Variants in C12orf56 observed in about 807,000 individuals in gnomAD.
C12orf56 encodes the protein uncharacterized protein C12orf56.
A neutral mutation model predicts 69.9 loss-of-function variants in C12orf56; 71 were observed. The observed-to-expected ratio is 1.02, with a 90% CI of 0.84 to 1.24. C12orf56 has a LOEUF of 1.24. Among genes scored for constraint, C12orf56 ranks in the 50% most tolerant of loss-of-function variants. The probability of loss-of-function intolerance (pLI) is 0.00; values close to 1 mark genes in which losing one functional copy is unlikely to be tolerated. For synonymous variants in C12orf56, 276 were observed against 274.1 expected (o/e 1.01, Z -0.07); for missense variants, 732 against 738.5 (o/e 0.99, Z 0.10).
chr12:64,390,293 C>T (rs1477315188), intron 1 of C12orf56, 21 bp downstream of exon 1: 1 of 1,590,022 alleles, frequency 6.3e-7, no homozygotes, highest in South Asian at 1.1e-5. Flanking sequence ...CCGAGCCCGC[C>T]TGCCCACCCG....
At chr12:64,273,297 CAAA>C (rs201066197) in intron 11 of C12orf56, among the ~76,000 whole-genome samples, 2 of 139,946 alleles carry the variant, frequency 1.4e-5, no homozygotes, top group East Asian at 2.4e-4. Context: ...GACTCTGTCT[CAAA>C]AAAAAAAAAA....
rs1200938815 is a variant in C12orf56 at position 64,390,485 on chromosome 12, G to A, written c.81C>T (p.Pro27=). ...LDVFLRRHLP[P]EVYDAVRAYE... Reference sequence around the variant, plus strand: ...AGGCGCGGACCGCGTCGTAGACCTCGGGCGGCAGATGCCGCCGCAGGAACA... The same window carrying A: ...AGGCGCGGACCGCGTCGTAGACCTCAGGCGGCAGATGCCGCCGCAGGAACA... The change falls in exon 1 of 13, where the codon CCC becomes CCT. Residue 27 remains proline, a synonymous_variant. Coordinates refer to ENST00000543942, the MANE Select transcript of C12orf56 (RefSeq NM_001170633.2). 1.2e-6 allele frequency: 2 copies of A among 1,603,854 alleles called. No individual in the cohort carries two copies. The highest frequency in any genetic ancestry group is 1.3e-5 in the African/African-American group (1 of 75,040).
intron 3 of C12orf56, among the ~76,000 whole-genome samples, chr12:64,322,102 C>T (rs1371145651): frequency 6.6e-6 from 1 of 151,744 alleles, no homozygotes; most frequent in African/African-American, 2.4e-5. Flanking sequence ...GCCTAGGCCT[C>T]CCAAAGTGCT....
chr12:64,335,889 C>T (rs932621706), intron 2 of C12orf56, among the ~76,000 whole-genome samples: 2 of 152,060 alleles, frequency 1.3e-5, no homozygotes, highest in Non-Finnish European at 2.9e-5. Context: ...GGATTTTTTA[C>T]CCAAGAGGTT....
chr12:64,343,915 T>A (rs2039107190), intron 2 of C12orf56, among the ~76,000 whole-genome samples: 1 of 152,186 alleles, frequency 6.6e-6, no homozygotes, highest in African/African-American at 2.4e-5. Flanking sequence ...CTGCTAAGTA[T>A]GTCTATGCCA....
chr12:64,328,816 A>G (rs1419378738), intron 3 of C12orf56, among the ~76,000 whole-genome samples: 2 of 149,624 alleles, frequency 1.3e-5, no homozygotes, highest in African/African-American at 2.4e-5. Flanking sequence ...CTGTAATCCC[A>G]ACACTGGGAG....
intron 8 of C12orf56, among the ~76,000 whole-genome samples, chr12:64,283,992 G>A (rs1255820196): frequency 6.7e-6 from 1 of 149,562 alleles, no homozygotes; most frequent in Non-Finnish European, 1.5e-5. Flanking sequence ...CCACCTCCCA[G>A]GTTCAAGCCA....
chr12:64,279,214 C>T (rs1007426203), intron 8 of C12orf56, among the ~76,000 whole-genome samples: 1 of 152,134 alleles, frequency 6.6e-6, no homozygotes, highest in Non-Finnish European at 1.5e-5. Context: ...GCCTCCACAC[C>T]CAACTCCACC....
chr12:64,272,790 T>C (rs1039599367), intron 11 of C12orf56, among the ~76,000 whole-genome samples: 2 of 152,182 alleles, frequency 1.3e-5, no homozygotes, highest in Non-Finnish European at 2.9e-5. Context: ...GGGGCCTGTG[T>C]GCTACTGAGG....
At chr12:64,304,114 C>T (rs973047215) in intron 5 of C12orf56, among the ~76,000 whole-genome samples, 19 of 148,722 alleles carry the variant, frequency 1.3e-4, no homozygotes, top group African/African-American at 4.7e-4. Flanking sequence ...AATCAACTAG[C>T]TTTTTTTTTT....
intron 12 of C12orf56, among the ~76,000 whole-genome samples, chr12:64,268,057 T>C (rs972101370): frequency 1.3e-5 from 2 of 152,198 alleles, no homozygotes; most frequent in African/African-American, 4.8e-5. Context: ...CATGTTGGTG[T>C]TCAAATGATT....
chr12:64,374,315 A>C (rs2039612284), intron 1 of C12orf56, among the ~76,000 whole-genome samples: 1 of 152,204 alleles, frequency 6.6e-6, no homozygotes, highest in Non-Finnish European at 1.5e-5. Flanking sequence ...AAAGGATGCT[A>C]CATCCCACCT....
intron 5 of C12orf56, among the ~76,000 whole-genome samples, chr12:64,304,430 A>G (rs2136807080): frequency 6.6e-6 from 1 of 152,258 alleles, no homozygotes; most frequent in South Asian, 2.1e-4. Context: ...CCATTACTGA[A>G]CCACGTGTCT....
In C12orf56 at chr12:64,390,624, C is replaced by T; in HGVS notation, c.-59G>A. On this transcript the variant is annotated 5_prime_UTR_variant, in exon 1 of 13. Transcript: ENST00000543942. ...CTCGAGGCCCTCAGCTCGCCCTCTC[C>T]CCGCCCCCGCGCTGGAACCCGCGCG... is the stretch of plus-strand genomic sequence containing the variant. The T allele has an allele frequency of 7.2e-7, 1 of 1,392,446 alleles. No homozygotes were observed. Among genetic ancestry groups the T allele is most frequent in the Non-Finnish European group, 9.2e-7 (1 of 1,081,956 alleles). 86.3% of individuals were successfully genotyped at this position (1,392,446 alleles called of 1,614,324 possible).
In C12orf56 at chr12:64,353,067, A is replaced by C; in HGVS notation, c.253-11T>G. 1 of 1,610,246 alleles carries C rather than the reference A, an allele frequency of 6.2e-7. No homozygotes were observed. Among genetic ancestry groups the C allele is most frequent in the Non-Finnish European group, 8.5e-7 (1 of 1,178,854 alleles). ...CGGGTAATCATCAATCTGGAAAAAA[A>C]ATTAATTCACCTCATTGAAGACAAA... On this transcript the variant is annotated splice_polypyrimidine_tract_variant and intron_variant, in intron 1 of 12. Transcript: ENST00000543942.
chr12:64,361,818 C>T (rs774962760), intron 1 of C12orf56, among the ~76,000 whole-genome samples: 2 of 152,002 alleles, frequency 1.3e-5, no homozygotes, highest in African/African-American at 2.4e-5. Context: ...CCGCAACCTC[C>T]TCCTCCTGGG....
intron 3 of C12orf56, among the ~76,000 whole-genome samples, chr12:64,325,788 G>A (rs1434218548): frequency 6.6e-6 from 1 of 152,074 alleles, no homozygotes; most frequent in Admixed American, 6.6e-5. Flanking sequence ...TAAAAACAAT[G>A]TATCTGTGCC....
At chr12:64,344,091 G>A (rs2039110161) in intron 2 of C12orf56, among the ~76,000 whole-genome samples, 1 of 152,154 alleles carries the variant, frequency 6.6e-6, no homozygotes, top group Non-Finnish European at 1.5e-5. Context: ...TGGAATCAAT[G>A]TCAGCTCAGA....
At chr12:64,338,562 G>A in intron 2 of C12orf56, 1 of 1,504,610 alleles carries the variant, frequency 6.6e-7, no homozygotes. Flanking sequence ...AGTCTTGCTT[G>A]ATTCATCAAA....
Sources: gnomAD v4.1 joint callset for allele counts (sites outside exome capture counted in the v4.1 genomes callset) on GRCh38, gnomAD v4.1.1 for gene constraint, MANE v1.5 for transcripts, NCBI Gene and HGNC (gene_info 2026-07-23, HGNC 2026-07-21) for gene names.